Variants in GLT8D2 observed in about 807,000 individuals in gnomAD.
GLT8D2 encodes glycosyltransferase 8 domain containing 2, also known as glycosyltransferase 8 domain-containing protein 2.
Under a neutral mutation model 44.5 loss-of-function variants are expected in GLT8D2, and 45 were observed. The observed-to-expected ratio is 1.01, with a 90% CI of 0.80 to 1.30. The LOEUF (loss-of-function observed/expected upper bound fraction) is 1.30. GLT8D2 is among the 50% of genes most tolerant of loss of function. The pLI is 0.00. For missense variants in GLT8D2, 400 were observed against 430.4 expected (o/e 0.93, Z 0.62); for synonymous variants, 156 against 157.2 (o/e 0.99, Z 0.06).
At position 104,015,098 on chromosome 12, in the gene GLT8D2, C is replaced by G; in HGVS notation, c.27G>C (p.Gln9His). 1 of 1,611,724 alleles carries G rather than the reference C, an allele frequency of 6.2e-7. No homozygotes were observed. The highest frequency in any genetic ancestry group is 8.5e-7 in the Non-Finnish European group (1 of 1,178,088). Residue 9 changes from glutamine (Q) to histidine (H), a missense_variant, in exon 4 of 11, where the codon CAG (glutamine) becomes CAC (histidine). Transcript: ENST00000360814. ...TCACGATCAGAAGGAACAGCAGCACCTGATTAACTGAAATAGAAATGGAAA... is the reference window on the plus strand; with the variant it reads ...TCACGATCAGAAGGAACAGCAGCACGTGATTAACTGAAATAGAAATGGAAA... Reference protein sequence around the residue: MALLRKINQVLLFLLIVTL... With the variant: MALLRKINHVLLFLLIVTL...
intron 1 of GLT8D2, among the ~76,000 whole-genome samples, chr12:104,056,441 AC>A (rs1349589923): frequency 1.3e-5 from 2 of 152,234 alleles, no homozygotes; most frequent in African/African-American, 4.8e-5. Flanking sequence ...CACCTCCAGC[AC>A]CAGATTCTCA....
At chr12:104,024,424 C>A (rs1005221399) in intron 1 of GLT8D2, among the ~76,000 whole-genome samples, 1 of 151,798 alleles carries the variant, frequency 6.6e-6, no homozygotes, top group Non-Finnish European at 1.5e-5. Context: ...CAGAGAGAGA[C>A]CTTGTCTGAA....
At chr12:104,033,207 A>T (rs1391872314) in intron 1 of GLT8D2, among the ~76,000 whole-genome samples, 1 of 152,146 alleles carries the variant, frequency 6.6e-6, no homozygotes, top group Non-Finnish European at 1.5e-5. Context: ...AATAGCCAAG[A>T]TATGGAATTA....
Position 104,043,924 on chromosome 12 carries a change from G to C in GLT8D2, c.-164+5971C>G, listed in dbSNP as rs1193487378. 2.0e-5 allele frequency among the ~76,000 whole-genome samples: 3 copies of C among 152,134 alleles called. No individual in the cohort carries two copies. In the East Asian group the frequency reaches 5.8e-4, roughly 29 times the overall value. Reference sequence around the variant, plus strand: ...TACCACCTTCTGTGGCTCCACCCTGGCACATTAGCCTTTGACTATATTATT... The same window carrying C: ...TACCACCTTCTGTGGCTCCACCCTGCCACATTAGCCTTTGACTATATTATT... On this transcript the variant is annotated intron_variant, in intron 1 of 10. Transcript: ENST00000360814.
intron 4 of GLT8D2, among the ~76,000 whole-genome samples, chr12:104,007,317 C>G (rs560938214): frequency 1.3e-4 from 19 of 144,930 alleles, no homozygotes; most frequent in African/African-American, 4.5e-4. Context: ...CTTTCCAGAT[C>G]CTTTTTGGAA....
At chr12:104,037,638 T>C (rs998301033) in intron 1 of GLT8D2, among the ~76,000 whole-genome samples, 12 of 152,126 alleles carry the variant, frequency 7.9e-5, no homozygotes, top group African/African-American at 2.9e-4. Flanking sequence ...GGCTCTGAAA[T>C]TGAGGCAATA....
chr12:104,017,923 A>C (rs12581921), intron 3 of GLT8D2, among the ~76,000 whole-genome samples: 1 of 152,172 alleles, frequency 6.6e-6, no homozygotes, highest in African/African-American at 2.4e-5. Flanking sequence ...TGCAGGCCCA[A>C]TAAAGACTTT....
upstream of GLT8D2, among the ~76,000 whole-genome samples, chr12:104,053,131 C>T (rs1412855380): frequency 6.6e-6 from 1 of 152,146 alleles, no homozygotes; most frequent in Non-Finnish European, 1.5e-5. Context: ...CAGACATGTC[C>T]CAGGCATCAT....
At chr12:104,018,961 G>A (rs181481971) in intron 3 of GLT8D2, among the ~76,000 whole-genome samples, 252 of 152,204 alleles carry the variant, frequency 1.7e-3, no homozygotes, top group Non-Finnish European at 2.5e-3. Context: ...ATGAAGATTC[G>A]AGATGACTCT....
intron 1 of GLT8D2, among the ~76,000 whole-genome samples, chr12:104,045,892 T>TGAAAGA (rs1881029848): frequency 1.8e-5 from 2 of 112,028 alleles, no homozygotes; most frequent in African/African-American, 6.9e-5. Flanking sequence ...AAAAGAAAGA[T>TGAAAGA]AAGAAAGAAA....
Position 104,021,717 on chromosome 12 carries a change from A to G in GLT8D2, c.-163-226T>C, listed in dbSNP as rs184320276. Among the ~76,000 whole-genome samples the G allele has an allele frequency of 2.0e-5, 3 of 151,522 alleles. No individual in the cohort carries two copies. In the East Asian group the frequency reaches 5.8e-4, roughly 29 times the overall value. On this transcript the variant is annotated intron_variant, in intron 1 of 10. Coordinates refer to ENST00000360814, the MANE Select transcript of GLT8D2 (RefSeq NM_001384711.1). ...GGAAGGAGGATCACTTGAGCCCAGG[A>G]GGTTGAGGCTGCAGTGAGCCATGGC... is the stretch of plus-strand genomic sequence containing the variant.
intron 5 of GLT8D2, among the ~76,000 whole-genome samples, chr12:104,001,014 C>T (rs1874143307): frequency 6.6e-6 from 1 of 152,214 alleles, no homozygotes; most frequent in Non-Finnish European, 1.5e-5. Context: ...CTCCCTGATT[C>T]CTCTGTCCTC....
chr12:104,015,393 A>AACACACACACACACACAC (rs55732553), intron 3 of GLT8D2, among the ~76,000 whole-genome samples: 144 of 126,172 alleles, frequency 1.1e-3, no homozygotes, highest in Middle Eastern at 3.8e-3. Context: ...AACAACAACA[A>AACACACACACACACACAC]ACACACACAC....
In GLT8D2 at chr12:103,994,467, T is replaced by G. The variant is rs1282179064; in HGVS notation, c.635A>C (p.Lys212Thr). 1.9e-6 allele frequency: 3 copies of G among 1,613,864 alleles called. No individual in the cohort carries two copies. The highest frequency in any genetic ancestry group is 2.2e-5 in the South Asian group (2 of 91,050). Residue 212 changes from lysine (K) to threonine (T), a missense_variant, in exon 9 of 11, where the codon AAG becomes ACG. By Grantham distance (78) the Lys-to-Thr change is moderately conservative. Coordinates refer to ENST00000360814, the MANE Select transcript of GLT8D2 (RefSeq NM_001384711.1). ...GCTGATGCCAAGGTCCTTGATGGCC[T>G]TCTTCCGGTAGTCCAGATAGCCCAT... is the stretch of plus-strand genomic sequence containing the variant. ...TYMGYLDYRK[K>T]AIKDLGISPS...
At chr12:104,056,460 G>T (rs1053262666) in intron 1 of GLT8D2, among the ~76,000 whole-genome samples, 1 of 152,202 alleles carries the variant, frequency 6.6e-6, no homozygotes, top group African/African-American at 2.4e-5. Context: ...TCACTCTAGG[G>T]TTGACTTTTT....
At chr12:104,062,144 G>A (rs967211507) in intron 1 of GLT8D2, among the ~76,000 whole-genome samples, 1 of 151,620 alleles carries the variant, frequency 6.6e-6, no homozygotes, top group Admixed American at 6.6e-5. Context: ...CACCATCTTG[G>A]CTCACTGCAA....
chr12:103,996,159 C>G (rs1256085142), intron 8 of GLT8D2, among the ~76,000 whole-genome samples: 1 of 152,166 alleles, frequency 6.6e-6, no homozygotes, highest in African/African-American at 2.4e-5. Context: ...TTAATAACAC[C>G]TCATATTTCA....
chr12:104,016,774 A>AGAAAGAAAGAAAGAAG lies in GLT8D2; in HGVS notation c.20-1670_20-1669insCTTCTTTCTTTCTTTC, dbSNP rs1566199645. Among the ~76,000 whole-genome samples, 10 of 58,390 alleles carry AGAAAGAAAGAAAGAAG rather than the reference A, an allele frequency of 1.7e-4. No individual in the cohort carries two copies. In the East Asian group the frequency reaches 2.0e-3, roughly 11 times the overall value. 38.3% of individuals were successfully genotyped at this position (58,390 alleles called of 152,430 possible). The stretch of plus-strand genomic sequence containing the variant: ...AAGAAAGAAAGAAAGAAAGAAAGAA[A>AGAAAGAAAGAAAGAAG]GAAGGAAGGAAGGAAGGAAGGAAGG... On this transcript the variant is annotated intron_variant, in intron 3 of 10. Coordinates refer to ENST00000360814, the MANE Select transcript of GLT8D2 (RefSeq NM_001384711.1).
upstream of GLT8D2, among the ~76,000 whole-genome samples, chr12:104,051,067 G>T (rs1881676157): frequency 6.6e-6 from 1 of 151,862 alleles, no homozygotes; most frequent in African/African-American, 2.4e-5. Context: ...CGCCGCCTCA[G>T]CCTCCCAAAG....
Sources: gnomAD v4.1 joint callset for allele counts (sites outside exome capture counted in the v4.1 genomes callset) on GRCh38, gnomAD v4.1.1 for gene constraint, MANE v1.5 for transcripts, NCBI Gene and HGNC (gene_info 2026-07-23, HGNC 2026-07-21) for gene names.